Variants in IGSF10 observed in about 807,000 individuals in gnomAD.
The protein encoded by IGSF10 is calvaria mechanical force protein 608.
Under a neutral mutation model 128.2 loss-of-function variants are expected in IGSF10, and 126 were observed. The observed-to-expected ratio is 0.98, with a 90% confidence interval of 0.85 to 1.14. The LOEUF is 1.14. Ranked by LOEUF, IGSF10 falls within the 50% of genes most tolerant of loss-of-function variation. The probability of loss-of-function intolerance (pLI) is 0.00; values close to 1 mark genes in which losing one functional copy is unlikely to be tolerated. For synonymous variants in IGSF10, 1,185 were observed against 1,146.2 expected (o/e 1.03, Z -0.68); for missense variants, 3,295 against 3,149.8 (o/e 1.05, Z -1.10).
the IGSF10 span, among the ~76,000 whole-genome samples, chr3:151,610,388 A>G: frequency 0.027 from 4,093 of 152,264 alleles, 204 homozygotes; most frequent in African/African-American, 0.095. Flanking sequence ...CTGGAGCTCA[A>G]ATGAGTCATG....
the IGSF10 span, among the ~76,000 whole-genome samples, chr3:151,581,877 G>A: frequency 1.3e-5 from 2 of 152,022 alleles, no homozygotes; most frequent in Admixed American, 1.3e-4. Context: ...TTGAGACCAG[G>A]CAGGCCAATA....
chr3:151,452,402 T>C (rs1721553425), intron 5 of IGSF10, among the ~76,000 whole-genome samples: 1 of 152,202 alleles, frequency 6.6e-6, no homozygotes, highest in Non-Finnish European at 1.5e-5. Flanking sequence ...CTGTAAGCAA[T>C]TGTAATACAA....
the IGSF10 span, among the ~76,000 whole-genome samples, chr3:151,572,668 A>C: frequency 6.6e-6 from 1 of 152,138 alleles, no homozygotes; most frequent in Non-Finnish European, 1.5e-5. Context: ...TCAAAAAAAC[A>C]GCTTCTGGAT....
intron 7 of IGSF10, among the ~76,000 whole-genome samples, 159 bp from the exon 8 acceptor site, chr3:151,438,756 T>C (rs1020516760): frequency 6.6e-6 from 1 of 151,856 alleles, no homozygotes; most frequent in East Asian, 1.9e-4. Context: ...GAGAGATATA[T>C]ATACATTTTG....
chr3:151,597,509 A>G, the IGSF10 span, among the ~76,000 whole-genome samples: 2 of 152,338 alleles, frequency 1.3e-5, no homozygotes, highest in East Asian at 3.9e-4. Flanking sequence ...CCTAACAGTC[A>G]TCATCAAAAA....
chr3:151,568,585 A>G, the IGSF10 span, among the ~76,000 whole-genome samples: 1 of 152,222 alleles, frequency 6.6e-6, no homozygotes, highest in Non-Finnish European at 1.5e-5. Context: ...TAATAAGCTG[A>G]CATTCAAGCA....
the IGSF10 span, among the ~76,000 whole-genome samples, chr3:151,613,358 C>A: frequency 1.3e-5 from 2 of 152,138 alleles, no homozygotes; most frequent in South Asian, 2.1e-4. Context: ...AAAGAGCCCG[C>A]ATCGCCAAGT....
At position 151,458,836 on chromosome 3, in the gene IGSF10, C is replaced by T. The variant is rs947345724; in HGVS notation, c.-1-126G>A. 36 of 705,342 alleles carry T rather than the reference C, an allele frequency of 5.1e-5. No homozygotes were observed. In the African/African-American group the frequency reaches 5.9e-4, roughly 12 times the overall value. 43.7% of individuals were successfully genotyped at this position (705,342 alleles called of 1,614,324 possible). ...TCGTAAGTGGTCAATTCCATTCCTA[C>T]CCTTTGTGGTCATATGCACTCTTTA... On this transcript the variant is annotated intron_variant, in intron 2 of 7. Transcript: ENST00000282466.
chr3:151,556,135 T>A, the IGSF10 span, among the ~76,000 whole-genome samples: 5 of 152,208 alleles, frequency 3.3e-5, no homozygotes, highest in Admixed American at 2.0e-4. Flanking sequence ...TGAGTAAAAC[T>A]AACTTTCATT....
the IGSF10 span, among the ~76,000 whole-genome samples, chr3:151,582,043 G>A: frequency 6.6e-6 from 1 of 152,038 alleles, no homozygotes; most frequent in East Asian, 1.9e-4. Flanking sequence ...TCCAGCCTGG[G>A]TGACAGAGTG....
chr3:151,529,714 T>A, the IGSF10 span, among the ~76,000 whole-genome samples: 1 of 151,948 alleles, frequency 6.6e-6, no homozygotes, highest in Admixed American at 6.5e-5. Flanking sequence ...GTTACCAACA[T>A]CAAAGACCAA....
At chr3:151,526,872 AC>A in the IGSF10 span, among the ~76,000 whole-genome samples, 5 of 152,132 alleles carry the variant, frequency 3.3e-5, no homozygotes, top group Admixed American at 6.6e-5. Context: ...GAATGTGTGC[AC>A]ACTGGAGAGG....
downstream of IGSF10, chr3:151,432,829 G>A (rs1409397066): frequency 3.8e-6 from 6 of 1,591,158 alleles, no homozygotes; most frequent in African/African-American, 2.7e-5. Flanking sequence ...AAGACATGAC[G>A]TTTTATGTTT....
In IGSF10 at chr3:151,446,982, C is replaced by T. The variant is rs1721232917; in HGVS notation, c.2999G>A (p.Ser1000Asn). The T allele has an allele frequency of 6.2e-7, 1 of 1,614,172 alleles. No homozygotes were observed. The highest frequency in any genetic ancestry group is 1.7e-5 in the Admixed American group (1 of 60,010). Residue 1000 changes from serine to asparagine, a missense_variant, in exon 6 of 8, where the codon AGT (serine) becomes AAT (asparagine). Physicochemically the swap from Ser to Asn is conservative, Grantham distance 46. Coordinates refer to ENST00000282466, the MANE Select transcript of IGSF10 (RefSeq NM_178822.5). ...TCTGAACAGCGGGATGTTAACTGTA[C>T]TATTTCTAGGGATCGGAAACTGAGA... ...AHSQFPIPRNSTVNIPLFRRF... is the reference protein window; with the variant it reads ...AHSQFPIPRNNTVNIPLFRRF...
At chr3:151,492,404 G>A in the IGSF10 span, among the ~76,000 whole-genome samples, 1 of 152,150 alleles carries the variant, frequency 6.6e-6, no homozygotes, top group African/African-American at 2.4e-5. Context: ...ACACACTGCT[G>A]ATGGGAATAT....
the IGSF10 span, among the ~76,000 whole-genome samples, chr3:151,598,740 G>C: frequency 6.6e-6 from 1 of 152,110 alleles, no homozygotes; most frequent in Non-Finnish European, 1.5e-5. Flanking sequence ...TCTTCAGTTG[G>C]TTGAATCCAC....
intron 7 of IGSF10, 90 bp from the exon 8 acceptor site, chr3:151,438,687 T>C: frequency 3.3e-6 from 3 of 902,988 alleles, no homozygotes; most frequent in Non-Finnish European, 5.1e-6. Context: ...GCCCCAGCTT[T>C]ATTGAAGCAT....
chr3:151,443,524 T>C lies in IGSF10; in HGVS notation c.5423A>G (p.His1808Arg), dbSNP rs1215192687. The C allele has an allele frequency of 6.2e-6, 10 of 1,614,246 alleles. No homozygotes were observed. The highest frequency in any genetic ancestry group is 8.5e-6 in the Non-Finnish European group (10 of 1,180,050). The change falls in exon 7 of 8, where the codon CAC (histidine) becomes CGC (arginine). Residue 1808 changes from histidine (H) to arginine (R), a missense_variant. By Grantham distance (29) the His-to-Arg change is conservative. Coordinates refer to ENST00000282466, the MANE Select transcript of IGSF10 (RefSeq NM_178822.5). ...GCCACGGTCATAAATACTGAGATTG[T>C]GGAGGACCAATGTTCCGTCAACCGT... ...VVTVDGTLVL[H>R]NLSIYDRGFY...
chr3:151,537,556 G>T, the IGSF10 span, among the ~76,000 whole-genome samples: 1 of 152,200 alleles, frequency 6.6e-6, no homozygotes, highest in Admixed American at 6.6e-5. Flanking sequence ...TGAAGCACTT[G>T]ACTAATTAAC....
Sources: gnomAD v4.1 joint callset for allele counts (sites outside exome capture counted in the v4.1 genomes callset) on GRCh38, gnomAD v4.1.1 for gene constraint, MANE v1.5 for transcripts, NCBI Gene and HGNC (gene_info 2026-07-23, HGNC 2026-07-21) for gene names.